The following C1orf21 variants were observed in gnomAD, a reference collection of about 807,000 sequenced individuals.
The protein encoded by C1orf21 is uncharacterized protein C1orf21.
C1orf21 carries 3 observed loss-of-function variants against 18.7 expected under a neutral mutation model. That is an observed-to-expected ratio of 0.16 (90% CI 0.07 to 0.42). C1orf21 has a LOEUF of 0.42. C1orf21 is among the 10% of genes least tolerant of loss of function. The pLI is 0.99. For missense variants in C1orf21, 104 were observed against 143.6 expected, an observed-to-expected ratio of 0.72 and a Z score of 1.41; for synonymous variants, 41 against 46.4, an observed-to-expected ratio of 0.88 and a Z score of 0.47.
intron 3 of C1orf21, among the ~76,000 whole-genome samples, chr1:184,558,071 T>C (rs915639470): frequency 1.3e-5 from 2 of 152,248 alleles, no homozygotes; most frequent in African/African-American, 4.8e-5. Flanking sequence ...GTTTTGGTTT[T>C]CAACATGGTA....
chr1:184,410,663 A>ATATATT (rs67546366), intron 1 of C1orf21, among the ~76,000 whole-genome samples: 4 of 7,670 alleles, frequency 5.2e-4, no homozygotes, highest in Non-Finnish European at 7.7e-4. Context: ...ATATATATAT[A>ATATATT]TTTTTTTTTT....
At chr1:184,569,974 C>G (rs1199629741) in intron 3 of C1orf21, among the ~76,000 whole-genome samples, 1 of 152,274 alleles carries the variant, frequency 6.6e-6, no homozygotes, top group Non-Finnish European at 1.5e-5. Flanking sequence ...TCTGGTCTAT[C>G]CAAATCATCC....
At chr1:184,469,725 G>A (rs1419916041) in intron 1 of C1orf21, among the ~76,000 whole-genome samples, 1 of 152,132 alleles carries the variant, frequency 6.6e-6, no homozygotes, top group African/African-American at 2.4e-5. Context: ...ACATTTTGCT[G>A]TATGATCCTG....
chr1:184,618,698 A>C (rs1571305325), intron 5 of C1orf21, among the ~76,000 whole-genome samples: 1 of 150,190 alleles, frequency 6.7e-6, no homozygotes, highest in South Asian at 2.2e-4. Flanking sequence ...AAAAAGTTGA[A>C]GGAAACAAAT....
intron 2 of C1orf21, among the ~76,000 whole-genome samples, chr1:184,480,897 A>G (rs952365257): frequency 6.6e-6 from 1 of 152,116 alleles, no homozygotes; most frequent in East Asian, 1.9e-4. Context: ...GCTAGGTTGT[A>G]TAGTGGCCTT....
At chr1:184,542,760 G>A (rs899000418) in intron 3 of C1orf21, 1 of 152,160 alleles carries the variant, frequency 6.6e-6, no homozygotes, top group East Asian at 1.9e-4. Context: ...AGACAAGGAT[G>A]ATTGTCTTTG....
chr1:184,602,016 T>C (rs1189053843), intron 5 of C1orf21, among the ~76,000 whole-genome samples: 1 of 152,186 alleles, frequency 6.6e-6, no homozygotes, highest in Non-Finnish European at 1.5e-5. Flanking sequence ...ACAATATAAA[T>C]AAATAGTAAA....
At chr1:184,455,494 G>C (rs536153461) in intron 1 of C1orf21, among the ~76,000 whole-genome samples, 61 of 152,150 alleles carry the variant, frequency 4.0e-4, no homozygotes, top group Non-Finnish European at 7.4e-4. Flanking sequence ...TTAGAAAGTA[G>C]CTGAGAGACA....
chr1:184,610,803 G>T (rs967722505), intron 5 of C1orf21, among the ~76,000 whole-genome samples: 3 of 146,368 alleles, frequency 2.0e-5, no homozygotes, highest in Admixed American at 6.9e-5. Context: ...AGCCGAGATC[G>T]CCCACTGCAC....
intron 1 of C1orf21, among the ~76,000 whole-genome samples, chr1:184,403,465 A>T (rs1318987898): frequency 6.6e-6 from 1 of 152,200 alleles, no homozygotes; most frequent in Non-Finnish European, 1.5e-5. Context: ...GCAGAAGGAT[A>T]ATTAATTACT....
intron 5 of C1orf21, among the ~76,000 whole-genome samples, chr1:184,607,734 TATATATGTGTGTGTATATATATACA>T (rs1558013513): frequency 6.6e-6 from 1 of 150,542 alleles, no homozygotes; most frequent in East Asian, 2.0e-4. Flanking sequence ...TATATATACA[TATATATGTGTGTGTATATATATACA>T]TATATAGAGA....
At chr1:184,588,292 G>C (rs1015744960) in intron 3 of C1orf21, among the ~76,000 whole-genome samples, 1 of 152,134 alleles carries the variant, frequency 6.6e-6, no homozygotes, top group African/African-American at 2.4e-5. Context: ...TATAAGTTTG[G>C]AAAACTTATA....
chr1:184,530,158 A>G (rs1658438139), intron 3 of C1orf21, among the ~76,000 whole-genome samples: 1 of 152,224 alleles, frequency 6.6e-6, no homozygotes. Flanking sequence ...TTTAAAACAT[A>G]TCCCATACAT....
Position 184,562,917 on chromosome 1 carries a change from T to G in C1orf21, c.190-27822T>G, listed in dbSNP as rs114413557. 9.9e-3 allele frequency among the ~76,000 whole-genome samples: 1,508 copies of G among 152,344 alleles called. 30 individuals carry two copies. Among genetic ancestry groups the G allele is most frequent in the African/African-American group, 0.034 (1,406 of 41,564 alleles). On this transcript the variant is annotated intron_variant, in intron 3 of 5. Transcript: ENST00000235307. ...TAGTTCTGCCTATTGTGTGACCTTTTATGTTTACATCACATTTTCTATTTT... is the reference window on the plus strand; with the variant it reads ...TAGTTCTGCCTATTGTGTGACCTTTGATGTTTACATCACATTTTCTATTTT...
chr1:184,429,148 A>T (rs1167195876), intron 1 of C1orf21, among the ~76,000 whole-genome samples: 19 of 152,188 alleles, frequency 1.2e-4, no homozygotes, highest in Admixed American at 1.2e-3. Flanking sequence ...TTCAACAGCG[A>T]TTTGGTCCTA....
Position 184,468,352 on chromosome 1 carries a change from A to G in C1orf21, c.-124-9034A>G, listed in dbSNP as rs551062524. 5.4e-4 allele frequency among the ~76,000 whole-genome samples: 82 copies of G among 152,296 alleles called. 1 individual carries two copies. The highest frequency in any genetic ancestry group is 4.2e-3 in the South Asian group (20 of 4,818). The stretch of plus-strand genomic sequence containing the variant: ...CACAAGGAGAGAAGGATCTTAGGTC[A>G]CAGTTTACATCAGTCTCTCATGGAT... On this transcript the variant is annotated intron_variant, in intron 1 of 5. Transcript: ENST00000235307.
At chr1:184,510,488 A>C (rs1190653829) in intron 3 of C1orf21, among the ~76,000 whole-genome samples, 1 of 152,322 alleles carries the variant, frequency 6.6e-6, no homozygotes, top group African/African-American at 2.4e-5. Context: ...GAACTCGTCT[A>C]TTGGGGCATC....
chr1:184,434,267 G>A (rs928251614), intron 1 of C1orf21, among the ~76,000 whole-genome samples: 11 of 151,722 alleles, frequency 7.3e-5, no homozygotes, highest in African/African-American at 1.4e-4. Flanking sequence ...AGCACTCCCC[G>A]AGGGTCTCTG....
At chr1:184,492,598 T>A (rs1333912395) in intron 2 of C1orf21, among the ~76,000 whole-genome samples, 1 of 152,376 alleles carries the variant, frequency 6.6e-6, no homozygotes, top group East Asian at 1.9e-4. Context: ...ATCACCAATA[T>A]CTTCTGTAGC....
Sources: allele counts gnomAD v4.1 joint callset (sites outside exome capture counted in the v4.1 genomes callset), GRCh38; gene constraint gnomAD v4.1.1; transcripts MANE v1.5; gene names NCBI Gene and HGNC (gene_info 2026-07-23, HGNC 2026-07-21).